GPM6B: variants seen among roughly 807,000 people sequenced by gnomAD.
The protein encoded by GPM6B is neuronal membrane glycoprotein M6-b.
GPM6B carries 4 observed loss-of-function variants against 27.2 expected under a neutral mutation model. The observed-to-expected ratio is 0.15, with a 90% CI of 0.07 to 0.34. GPM6B has a LOEUF of 0.34. Among genes scored for constraint, GPM6B ranks in the 10% least tolerant of loss-of-function variants. GPM6B has a pLI of 1.00. For synonymous variants in GPM6B, 124 were observed against 103.1 expected, an observed-to-expected ratio of 1.20 and a Z score of -1.23; for missense variants, 183 against 261.9, an observed-to-expected ratio of 0.70 and a Z score of 2.08.
intron 5 of GPM6B, among the ~76,000 whole-genome samples, chrX:13,778,266 CT>C (rs57060644): frequency 0.052 from 5,818 of 111,097 alleles, 353 homozygotes; most frequent in African/African-American, 0.17. Context: ...CCAGGCTGGT[CT>C]TTGAACTCCC....
At chrX:13,831,213 C>T (rs934058134) in intron 1 of GPM6B, among the ~76,000 whole-genome samples, 2 of 109,442 alleles carry the variant, frequency 1.8e-5, no homozygotes, top group African/African-American at 6.7e-5. Context: ...CACACACACA[C>T]ACACACACAC....
At chrX:13,880,754 A>T (rs1202139881) in intron 1 of GPM6B, among the ~76,000 whole-genome samples, 2 of 109,463 alleles carry the variant, frequency 1.8e-5, no homozygotes, top group Non-Finnish European at 3.8e-5. Context: ...ATAAAATTTC[A>T]AACTCTTTAT....
At chrX:13,795,641 T>G (rs2147151949) in intron 2 of GPM6B, among the ~76,000 whole-genome samples, 1 of 111,832 alleles carries the variant, frequency 8.9e-6, no homozygotes, top group Non-Finnish European at 1.9e-5. Context: ...AATCGTTATC[T>G]TTCCTAAACA....
chrX:13,784,468 A>G (rs1255428360), intron 3 of GPM6B, among the ~76,000 whole-genome samples: 1 of 111,996 alleles, frequency 8.9e-6, no homozygotes, highest in African/African-American at 3.3e-5. Context: ...AACAGATAAG[A>G]AAGAATAAAA....
chrX:13,879,134 T>C (rs1474442731), intron 1 of GPM6B, among the ~76,000 whole-genome samples: 2 of 112,331 alleles, frequency 1.8e-5, no homozygotes, highest in African/African-American at 6.5e-5. Context: ...AGCCCCACAG[T>C]AGAACATCCT....
At chrX:13,801,075 T>C (rs1309285772) in intron 2 of GPM6B, among the ~76,000 whole-genome samples, 1 of 109,861 alleles carries the variant, frequency 9.1e-6, no homozygotes, top group African/African-American at 3.3e-5. Flanking sequence ...TCCCCAGCAC[T>C]ACATTTAGTA....
intron 1 of GPM6B, among the ~76,000 whole-genome samples, chrX:13,930,966 C>A (rs189798216): frequency 9.0e-6 from 1 of 110,874 alleles, no homozygotes; most frequent in African/African-American, 3.3e-5. Context: ...GGCAGATCAC[C>A]TGAAGTCAGT....
In GPM6B at chrX:13,872,667, G is replaced by GAA. The variant is rs35999855; in HGVS notation, c.-198+65658_-198+65659dup. ...GATGACCCAGCTGGATATAGAGTAA[G>GAA]AAAAAAAAAAAAGACAATTTAGAGG... is the stretch of plus-strand genomic sequence containing the variant. On this transcript the variant is annotated intron_variant, in intron 1 of 6. Coordinates refer to the GPM6B transcript ENST00000398361. 2.1e-3 allele frequency among the ~76,000 whole-genome samples: 205 copies of GAA among 99,813 alleles called. 2 individuals carry two copies. The highest frequency in any genetic ancestry group is 5.6e-3 in the African/African-American group (153 of 27,444). 86.7% of individuals were successfully genotyped at this position (99,813 alleles called of 115,157 possible).
intron 1 of GPM6B, among the ~76,000 whole-genome samples, chrX:13,874,543 CAA>C (rs34549189): frequency 3.6e-5 from 3 of 82,566 alleles, no homozygotes; most frequent in African/African-American, 9.2e-5. Context: ...ACTAAAAATA[CAA>C]AAAAAAAAAA....
chrX:13,847,998 C>A (rs1484249911), intron 1 of GPM6B, among the ~76,000 whole-genome samples: 1 of 111,831 alleles, frequency 8.9e-6, no homozygotes, highest in Non-Finnish European at 1.9e-5. Context: ...TAATATATCA[C>A]CCAGATTCCC....
intron 1 of GPM6B, among the ~76,000 whole-genome samples, chrX:13,867,024 G>A (rs1246307284): frequency 8.9e-6 from 1 of 112,199 alleles, no homozygotes; most frequent in South Asian, 3.7e-4. Flanking sequence ...TTACATGCAA[G>A]ATCAGCCTCT....
intron 1 of GPM6B, among the ~76,000 whole-genome samples, chrX:13,915,674 A>T (rs1200473740): frequency 1.8e-5 from 2 of 112,244 alleles, no homozygotes; most frequent in Admixed American, 1.9e-4. Context: ...GACTCAGTAA[A>T]TTTTTTTGCG....
intron 1 of GPM6B, among the ~76,000 whole-genome samples, chrX:13,899,768 C>A (rs771426424): frequency 9.0e-6 from 1 of 111,451 alleles, no homozygotes; most frequent in African/African-American, 3.3e-5. Flanking sequence ...AACTTTCACT[C>A]TCTCCATGCC....
chrX:13,827,861 G>C (rs1305906006), intron 1 of GPM6B, among the ~76,000 whole-genome samples: 3 of 111,931 alleles, frequency 2.7e-5, no homozygotes, highest in Non-Finnish European at 5.6e-5. Flanking sequence ...TTCACGCCTT[G>C]ATGCTGTTTC....
intron 1 of GPM6B, among the ~76,000 whole-genome samples, chrX:13,915,278 TAAAAAAAA>T (rs57417145): frequency 1.3e-3 from 106 of 80,428 alleles, no homozygotes; most frequent in South Asian, 8.5e-3. Flanking sequence ...AAAAAATGTG[TAAAAAAAA>T]AAAAAAAAAA....
chrX:13,856,701 T>A (rs759869081), intron 1 of GPM6B, among the ~76,000 whole-genome samples: 141 of 89,378 alleles, frequency 1.6e-3, no homozygotes, highest in Non-Finnish European at 2.9e-3. Context: ...TATTTTTTTT[T>A]TTATTATTTT....
chrX:13,876,745 G>A (rs1444023034), intron 1 of GPM6B, among the ~76,000 whole-genome samples: 1 of 110,205 alleles, frequency 9.1e-6, no homozygotes, highest in Non-Finnish European at 1.9e-5. Flanking sequence ...GGGGACAGCA[G>A]ACAAGAGAAT....
intron 1 of GPM6B, among the ~76,000 whole-genome samples, chrX:13,933,999 A>G (rs1180392637): frequency 9.0e-6 from 1 of 111,451 alleles, no homozygotes; most frequent in Non-Finnish European, 1.9e-5. Context: ...GGCACGTTTT[A>G]TGATTGATCC....
chrX:13,810,254 C>T (rs2049104047), intron 1 of GPM6B, among the ~76,000 whole-genome samples: 1 of 112,118 alleles, frequency 8.9e-6, no homozygotes, highest in Non-Finnish European at 1.9e-5. Flanking sequence ...AGAAAAAAAA[C>T]AGAAGGTCAA....
Sources: gnomAD v4.1 joint callset for allele counts (sites outside exome capture counted in the v4.1 genomes callset) on GRCh38, gnomAD v4.1.1 for gene constraint, MANE v1.5 for transcripts, NCBI Gene and HGNC (gene_info 2026-07-23, HGNC 2026-07-21) for gene names.